The following PCBP3 variants were observed in gnomAD, a reference collection of about 807,000 sequenced individuals.
PCBP3 encodes the protein poly(rC)-binding protein 3.
Under a neutral mutation model 52.7 loss-of-function variants are expected in PCBP3, and 25 were observed. That is an observed-to-expected ratio of 0.47 (90% CI 0.35 to 0.66). PCBP3 has a LOEUF of 0.66. Among genes scored for constraint, PCBP3 ranks in the 30% least tolerant of loss-of-function variants. PCBP3 has a pLI of 0.01. For synonymous variants in PCBP3, 162 were observed against 183.0 expected, an observed-to-expected ratio of 0.89 and a Z score of 0.93; for missense variants, 391 against 490.3, an observed-to-expected ratio of 0.80 and a Z score of 1.91.
chr21:45,658,844 T>G (rs1336021641), intron 1 of PCBP3, among the ~76,000 whole-genome samples: 1 of 152,186 alleles, frequency 6.6e-6, no homozygotes, highest in South Asian at 2.1e-4. Context: ...ATATCTTTAC[T>G]TGTTTTAGGT....
At chr21:45,740,243 C>A (rs949324030) in intron 3 of PCBP3, among the ~76,000 whole-genome samples, 10 of 152,226 alleles carry the variant, frequency 6.6e-5, no homozygotes, top group African/African-American at 2.2e-4. Context: ...ACAAGCCCAC[C>A]CTCTTGTTTC....
intron 7 of PCBP3, among the ~76,000 whole-genome samples, chr21:45,900,272 G>A (rs1041062501): frequency 2.6e-5 from 4 of 152,228 alleles, no homozygotes; most frequent in Non-Finnish European, 5.9e-5. Context: ...GGGCGCCTGA[G>A]GGCACGCACA....
At chr21:45,782,837 A>C (rs1001322963) in intron 4 of PCBP3, among the ~76,000 whole-genome samples, 11 of 152,278 alleles carry the variant, frequency 7.2e-5, no homozygotes, top group African/African-American at 2.7e-4. Flanking sequence ...CAAGGAGCCC[A>C]GCCGGCATAC....
At chr21:45,666,608 A>T (rs903955856) in intron 1 of PCBP3, among the ~76,000 whole-genome samples, 2 of 151,642 alleles carry the variant, frequency 1.3e-5, no homozygotes, top group African/African-American at 4.9e-5. Context: ...TTGCAGAATA[A>T]TTTTTCTGGA....
intron 5 of PCBP3, among the ~76,000 whole-genome samples, chr21:45,857,369 G>C (rs575898968): frequency 6.6e-6 from 1 of 152,156 alleles, no homozygotes. Context: ...AGAACCCTTA[G>C]ATAGGAATAT....
chr21:45,853,156 G>A lies in PCBP3; in HGVS notation c.10+3061G>A, dbSNP rs567020962. 3.3e-5 allele frequency among the ~76,000 whole-genome samples: 5 copies of A among 152,206 alleles called. No individual in the cohort carries two copies. The highest frequency in any genetic ancestry group is 4.8e-5 in the African/African-American group (2 of 41,446). On this transcript the variant is annotated intron_variant, in intron 5 of 17. Coordinates refer to ENST00000681687, the MANE Select transcript of PCBP3 (RefSeq NM_001384156.1). The surrounding 1 kb of genome is among the most constrained non-coding windows in gnomAD (Gnocchi z 4.6). Reference sequence around the variant, plus strand: ...GGAGCCTGCTGTGACCTGGCATGCTGTCCTGCATCTCTGTGGTGACAAAAT... The same window carrying A: ...GGAGCCTGCTGTGACCTGGCATGCTATCCTGCATCTCTGTGGTGACAAAAT...
chr21:45,807,456 A>G (rs2092543479), intron 4 of PCBP3, among the ~76,000 whole-genome samples: 1 of 152,208 alleles, frequency 6.6e-6, no homozygotes, highest in African/African-American at 2.4e-5. Flanking sequence ...AGAATAAAAT[A>G]CCTAGGAATA....
At chr21:45,799,685 A>G (rs571720346) in intron 4 of PCBP3, among the ~76,000 whole-genome samples, 3 of 148,944 alleles carry the variant, frequency 2.0e-5, no homozygotes, top group Non-Finnish European at 4.5e-5. Context: ...GGCCAGGCCA[A>G]GGTATCCGTG....
intron 13 of PCBP3, among the ~76,000 whole-genome samples, chr21:45,926,661 G>A (rs1194397306): frequency 6.6e-6 from 1 of 152,198 alleles, no homozygotes; most frequent in Non-Finnish European, 1.5e-5. Context: ...ACAGTGCCAG[G>A]ACGGTGGGTC....
intron 1 of PCBP3, among the ~76,000 whole-genome samples, chr21:45,659,975 T>C (rs558667690): frequency 3.7e-4 from 57 of 152,280 alleles, no homozygotes; most frequent in Non-Finnish European, 6.3e-4. Flanking sequence ...TTTATTAGTA[T>C]TGTTTAAATC....
intron 2 of PCBP3, among the ~76,000 whole-genome samples, chr21:45,696,079 CAAAAAAAAAAAAA>C (rs71185164): frequency 2.5e-5 from 1 of 39,638 alleles, no homozygotes; most frequent in East Asian, 1.0e-3. Flanking sequence ...GACTCTGTCT[CAAAAAAAAAAAAA>C]AAAAAAAAAA....
chr21:45,695,507 A>G (rs1380603710), intron 2 of PCBP3, among the ~76,000 whole-genome samples: 2 of 152,092 alleles, frequency 1.3e-5, no homozygotes, highest in Non-Finnish European at 2.9e-5. Context: ...CCTCTGTAAC[A>G]ATGCCTGAAT....
At chr21:45,834,923 G>A (rs75219796) in intron 4 of PCBP3, among the ~76,000 whole-genome samples, 6 of 152,340 alleles carry the variant, frequency 3.9e-5, no homozygotes, top group East Asian at 3.9e-4. Flanking sequence ...GGGAGGCACC[G>A]TGAGTCCCTC....
chr21:45,708,547 G>C (rs191514244), intron 2 of PCBP3, among the ~76,000 whole-genome samples: 26 of 152,176 alleles, frequency 1.7e-4, no homozygotes, highest in African/African-American at 6.3e-4. Flanking sequence ...AAAGTGAAAG[G>C]GATCACTTGT....
intron 4 of PCBP3, among the ~76,000 whole-genome samples, chr21:45,841,620 A>G: frequency 6.6e-6 from 1 of 152,274 alleles, no homozygotes; most frequent in South Asian, 2.1e-4. Flanking sequence ...TATTTTCATT[A>G]TCTGCTAGTG....
At chr21:45,924,867 G>A (rs1416489786) in intron 13 of PCBP3, among the ~76,000 whole-genome samples, 14 of 44,830 alleles carry the variant, frequency 3.1e-4, no homozygotes, top group Admixed American at 2.3e-3. Flanking sequence ...ACGTAAGATC[G>A]GGTGTGCACG....
At chr21:45,822,556 G>T (rs1336052660) in intron 4 of PCBP3, among the ~76,000 whole-genome samples, 4 of 151,758 alleles carry the variant, frequency 2.6e-5, no homozygotes, top group African/African-American at 9.7e-5. Context: ...AGAGCAAGGG[G>T]TGGACCTGGC....
At chr21:45,820,097 C>T (rs1017986282) in intron 4 of PCBP3, among the ~76,000 whole-genome samples, 2 of 152,250 alleles carry the variant, frequency 1.3e-5, no homozygotes, top group Admixed American at 6.5e-5. Flanking sequence ...CTGGCTCTGA[C>T]CCATGGACCA....
At chr21:45,785,464 T>A (rs1374668211) in intron 4 of PCBP3, among the ~76,000 whole-genome samples, 13 of 94,318 alleles carry the variant, frequency 1.4e-4, no homozygotes, top group African/African-American at 4.3e-4. Flanking sequence ...TGGGAGGAGG[T>A]GGGGGGGTCA....
Sources: allele counts gnomAD v4.1 joint callset (sites outside exome capture counted in the v4.1 genomes callset), GRCh38; gene constraint gnomAD v4.1.1; non-coding constraint Gnocchi (gnomAD v3.1); transcripts MANE v1.5; gene names NCBI Gene and HGNC (gene_info 2026-07-23, HGNC 2026-07-21).